ATXN7L1: variants seen among roughly 807,000 people sequenced by gnomAD.
The protein encoded by ATXN7L1 is ataxin-7-like protein 1.
A neutral mutation model predicts 70.8 loss-of-function variants in ATXN7L1; 15 were observed. The ratio of observed to expected loss-of-function variants is 0.21; its 90% CI spans 0.14 to 0.33. ATXN7L1 has a LOEUF of 0.33. Ranked by LOEUF, ATXN7L1 falls within the 10% of genes least tolerant of loss-of-function variation. The pLI is 1.00. For missense variants in ATXN7L1, 975 were observed against 1,097.1 expected, an observed-to-expected ratio of 0.89 and a Z score of 1.57; for synonymous variants, 440 against 445.1, an observed-to-expected ratio of 0.99 and a Z score of 0.14.
intron 3 of ATXN7L1, among the ~76,000 whole-genome samples, chr7:105,756,362 CAG>C (rs1237126755): frequency 6.6e-6 from 1 of 152,072 alleles, no homozygotes; most frequent in African/African-American, 2.4e-5. Context: ...GGTAATGAGA[CAG>C]AGAGAAAAAT....
intron 9 of ATXN7L1, chr7:105,618,234 C>T: frequency 5.6e-6 from 2 of 355,312 alleles, no homozygotes; most frequent in Non-Finnish European, 1.1e-5. Context: ...ATCACCAGGG[C>T]TGGCTGCCGT....
rs1322917144 is a variant in ATXN7L1 at position 105,729,297 on chromosome 7, G to GAATA, written c.355+59306_355+59307insTATT. ...ATAATAAATGAATGAATGAATGAAT[G>GAATA]AATGAATAAATAAATAAATAAATAA... On this transcript the variant is annotated intron_variant, in intron 3 of 11. Transcript: ENST00000419735. Among the ~76,000 whole-genome samples, 38 of 126,260 alleles carry GAATA rather than the reference G, an allele frequency of 3.0e-4. No individual in the cohort carries two copies. The South Asian group carries it at 4.6e-3, about 15-fold the overall frequency. The allele number at this position is 126,260 out of a possible 152,430, so 82.8% of individuals were successfully genotyped here. A position where few individuals can be genotyped will look rare whatever the true frequency, so the allele number is the denominator to read the frequency against.
intron 2 of ATXN7L1, among the ~76,000 whole-genome samples, chr7:105,869,569 T>C (rs1467726462): frequency 6.6e-6 from 1 of 152,218 alleles, no homozygotes; most frequent in African/African-American, 2.4e-5. Flanking sequence ...CATGCTCCTA[T>C]GTTCTCTGCA....
In ATXN7L1 at chr7:105,788,633, A is replaced by G; in HGVS notation, c.326T>C (p.Val109Ala). The G allele has an allele frequency of 6.2e-7, 1 of 1,613,968 alleles. No homozygotes were observed. ...GTGCGACTGGAAAACCTGTGGCTTGACGACCTGGTTACAGGCACTGCACAC... is the reference window on the plus strand; with the variant it reads ...GTGCGACTGGAAAACCTGTGGCTTGGCGACCTGGTTACAGGCACTGCACAC... Reference protein sequence around the residue: ...LVVCSACNQVVKPQVFQSHCE... With the variant: ...LVVCSACNQVAKPQVFQSHCE... Residue 109 changes from valine to alanine, a missense_variant, in exon 3 of 12, where the codon GTC (valine) becomes GCC (alanine). Physicochemically the swap from Val to Ala is moderately conservative, Grantham distance 64. Coordinates refer to ENST00000419735, the MANE Select transcript of ATXN7L1 (RefSeq NM_020725.2).
chr7:105,680,681 C>T (rs1001516567), intron 3 of ATXN7L1, among the ~76,000 whole-genome samples: 1 of 152,194 alleles, frequency 6.6e-6, no homozygotes, highest in Non-Finnish European at 1.5e-5. Context: ...GGTCAAGGGC[C>T]CCTGGGCACA....
At chr7:105,820,335 A>T (rs55911516) in intron 2 of ATXN7L1, among the ~76,000 whole-genome samples, 46,413 of 151,860 alleles carry the variant, frequency 0.31, 7,549 homozygotes, top group East Asian at 0.58. Context: ...TAGCTTAGTG[A>T]CTTTCTAGAG....
chr7:105,621,652 G>A (rs565155391), intron 8 of ATXN7L1, among the ~76,000 whole-genome samples: 1 of 152,328 alleles, frequency 6.6e-6, no homozygotes, highest in Non-Finnish European at 1.5e-5. Context: ...AATGCAAGAA[G>A]CAGCCTCAGA....
intron 2 of ATXN7L1, among the ~76,000 whole-genome samples, chr7:105,798,239 T>C (rs1299515703): frequency 1.3e-5 from 2 of 152,180 alleles, no homozygotes; most frequent in Non-Finnish European, 2.9e-5. Flanking sequence ...CCCCACCCCA[T>C]GGCAAACACA....
chr7:105,831,641 G>A (rs1811618224), intron 2 of ATXN7L1, among the ~76,000 whole-genome samples: 1 of 152,216 alleles, frequency 6.6e-6, no homozygotes, highest in African/African-American at 2.4e-5. Flanking sequence ...CCAGAACAAT[G>A]TGATAGTCCT....
intron 3 of ATXN7L1, among the ~76,000 whole-genome samples, chr7:105,769,116 G>T (rs1292363353): frequency 1.3e-5 from 2 of 152,208 alleles, no homozygotes; most frequent in African/African-American, 4.8e-5. Context: ...TTCCGCCAGT[G>T]TACCTTACTG....
At chr7:105,641,215 T>TC (rs1491343910) in intron 5 of ATXN7L1, among the ~76,000 whole-genome samples, 2 of 16,130 alleles carry the variant, frequency 1.2e-4, no homozygotes, top group South Asian at 4.0e-3. Flanking sequence ...TCTCTCTCTC[T>TC]TTTTTTTTTT....
chr7:105,875,757 C>A, intron 2 of ATXN7L1, 55 bp downstream of exon 2: 1 of 1,522,318 alleles, frequency 6.6e-7, no homozygotes, highest in Non-Finnish European at 9.1e-7. Flanking sequence ...TATTCGAAAT[C>A]CTGTGAAGAT....
chr7:105,700,561 T>A (rs1367700303), intron 3 of ATXN7L1, among the ~76,000 whole-genome samples: 1 of 147,306 alleles, frequency 6.8e-6, no homozygotes. Flanking sequence ...GCAATGTTGC[T>A]CCATGAATGA....
At chr7:105,841,087 A>C (rs969201059) in intron 2 of ATXN7L1, among the ~76,000 whole-genome samples, 8 of 152,236 alleles carry the variant, frequency 5.3e-5, no homozygotes, top group African/African-American at 1.9e-4. Context: ...AGACAGGAGC[A>C]ACACTGAGCT....
chr7:105,831,967 G>A (rs928066481), intron 2 of ATXN7L1, among the ~76,000 whole-genome samples: 3 of 152,132 alleles, frequency 2.0e-5, no homozygotes, highest in African/African-American at 4.8e-5. Flanking sequence ...ATAATAGTAT[G>A]GCAGGTCATT....
chr7:105,665,818 G>A (rs1802524339), intron 3 of ATXN7L1, among the ~76,000 whole-genome samples: 1 of 152,174 alleles, frequency 6.6e-6, no homozygotes, highest in Non-Finnish European at 1.5e-5. Context: ...AGCTGTCCTG[G>A]GACTGAGAGG....
In ATXN7L1 at chr7:105,616,909, T is replaced by C. The variant is rs554325763; in HGVS notation, c.1518-2093A>G. Among the ~76,000 whole-genome samples, 6 of 152,286 alleles carry C rather than the reference T, an allele frequency of 3.9e-5. 1 individual carries two copies. Among genetic ancestry groups the C allele is most frequent in the African/African-American group, 1.4e-4 (6 of 41,564 alleles). ...ACTCAAGTTTGCTTACACTAAAGTA[T>C]AGATAGAAATACATGTGGGCAGAGG... is the stretch of plus-strand genomic sequence containing the variant. On this transcript the variant is annotated intron_variant, in intron 9 of 11. Coordinates refer to ENST00000419735, the MANE Select transcript of ATXN7L1 (RefSeq NM_020725.2).
At chr7:105,858,481 AATGAATGCC>A (rs1201349452) in intron 2 of ATXN7L1, among the ~76,000 whole-genome samples, 1 of 152,234 alleles carries the variant, frequency 6.6e-6, no homozygotes, top group Non-Finnish European at 1.5e-5. Context: ...AAGGGTCATC[AATGAATGCC>A]CAGAGGATTC....
At chr7:105,734,265 C>T (rs1024901803) in intron 3 of ATXN7L1, among the ~76,000 whole-genome samples, 18 of 152,198 alleles carry the variant, frequency 1.2e-4, no homozygotes, top group Admixed American at 1.2e-3. Flanking sequence ...AAGTCCTAAA[C>T]ACATATAAGG....
Sources: allele counts gnomAD v4.1 joint callset (sites outside exome capture counted in the v4.1 genomes callset), GRCh38; gene constraint gnomAD v4.1.1; transcripts MANE v1.5; gene names NCBI Gene and HGNC (gene_info 2026-07-23, HGNC 2026-07-21).